The following DHDDS variants were observed in gnomAD, a reference collection of about 807,000 sequenced individuals.
DHDDS encodes the protein dehydrodolichyl diphosphate synthase subunit, also known as dehydrodolichyl diphosphate synthase complex subunit DHDDS.
Under a neutral mutation model 46.2 loss-of-function variants are expected in DHDDS, and 16 were observed. The ratio of observed to expected loss-of-function variants is 0.35; its 90% CI spans 0.23 to 0.53. The LOEUF (loss-of-function observed/expected upper bound fraction) is 0.53, where lower values mean the gene tolerates loss of function less well. DHDDS is among the 20% of genes least tolerant of loss of function. The pLI is 0.94. For missense variants in DHDDS, 340 were observed against 423.7 expected (o/e 0.80, Z 1.73); for synonymous variants, 151 against 163.1 (o/e 0.93, Z 0.56).
At chr1:26,436,452 C>T (rs1045988849) in intron 2 of DHDDS, among the ~76,000 whole-genome samples, 20 of 151,522 alleles carry the variant, frequency 1.3e-4, no homozygotes, top group African/African-American at 4.6e-4. Flanking sequence ...GAGACAGAGT[C>T]CCGCTCTGTC....
At chr1:26,442,615 G>C in intron 3 of DHDDS, 116 bp from the exon 4 acceptor site, 1 of 1,221,698 alleles carries the variant, frequency 8.2e-7, no homozygotes, top group East Asian at 2.3e-5. Context: ...ACCCAGCTTT[G>C]GGGAGGAGAA....
chr1:26,434,285 C>T (rs1344126421), intron 2 of DHDDS, among the ~76,000 whole-genome samples: 2 of 152,154 alleles, frequency 1.3e-5, no homozygotes, highest in South Asian at 2.1e-4. Context: ...GGCCAGTCAG[C>T]TTGGTTTTGT....
At chr1:26,459,933 G>C in intron 7 of DHDDS, 104 bp from the exon 8 acceptor site, 2 of 900,592 alleles carry the variant, frequency 2.2e-6, no homozygotes. Context: ...TGTCATCTCT[G>C]GGCTTCTGGG....
chr1:26,436,260 G>T (rs973590889), intron 2 of DHDDS, among the ~76,000 whole-genome samples: 5 of 152,100 alleles, frequency 3.3e-5, no homozygotes, highest in South Asian at 2.1e-4. Flanking sequence ...TTAGCTGGGT[G>T]TGGTGGTGTA....
At chr1:26,433,468 G>A (rs568229055) in intron 2 of DHDDS, among the ~76,000 whole-genome samples, 3 of 152,062 alleles carry the variant, frequency 2.0e-5, no homozygotes, top group Admixed American at 2.0e-4. Context: ...GGGCAACATG[G>A]CAAAACCCCG....
At chr1:26,435,037 TCTCA>T (rs1464373686) in intron 2 of DHDDS, among the ~76,000 whole-genome samples, 2 of 151,048 alleles carry the variant, frequency 1.3e-5, no homozygotes, top group Non-Finnish European at 2.9e-5. Context: ...TCAGACAGAG[TCTCA>T]CTCTGTCGCC....
intron 8 of DHDDS, among the ~76,000 whole-genome samples, chr1:26,468,465 A>G (rs2075515715): frequency 6.6e-6 from 1 of 152,182 alleles, no homozygotes; most frequent in South Asian, 2.1e-4. Context: ...CTAATATCCT[A>G]GAGAGGATTT....
At chr1:26,462,584 G>A (rs2124515126) in intron 8 of DHDDS, among the ~76,000 whole-genome samples, 1 of 152,256 alleles carries the variant, frequency 6.6e-6, no homozygotes, top group African/African-American at 2.4e-5. Flanking sequence ...AGTCAAGCTT[G>A]TTGGAATTAT....
At chr1:26,461,593 C>A (rs1445181050) in intron 8 of DHDDS, among the ~76,000 whole-genome samples, 2 of 152,162 alleles carry the variant, frequency 1.3e-5, no homozygotes, top group Non-Finnish European at 2.9e-5. Flanking sequence ...CCATGTTGGT[C>A]AGGCTGGTCT....
chr1:26,454,427 C>T (rs528146443), intron 6 of DHDDS, among the ~76,000 whole-genome samples: 1 of 152,204 alleles, frequency 6.6e-6, no homozygotes, highest in East Asian at 1.9e-4. Context: ...CTCAGAGAGA[C>T]TGAGTCTCTG....
intron 5 of DHDDS, 113 bp downstream of exon 5, chr1:26,446,545 G>A (rs2124427088): frequency 1.1e-6 from 1 of 941,714 alleles, no homozygotes. Context: ...GGCAATGAGA[G>A]AGTAGGTTGA....
intron 6 of DHDDS, among the ~76,000 whole-genome samples, chr1:26,453,268 T>C (rs1287727451): frequency 6.6e-6 from 1 of 152,256 alleles, no homozygotes; most frequent in Non-Finnish European, 1.5e-5. Context: ...TTATAATGGC[T>C]GTAAAATATA....
At chr1:26,449,386 C>T (rs1308205643) in intron 6 of DHDDS, among the ~76,000 whole-genome samples, 2 of 151,998 alleles carry the variant, frequency 1.3e-5, no homozygotes, top group Non-Finnish European at 2.9e-5. Flanking sequence ...CAGGCATGAG[C>T]CATCACTCCT....
chr1:26,441,666 C>T (rs1475963160), intron 3 of DHDDS, among the ~76,000 whole-genome samples: 1 of 152,010 alleles, frequency 6.6e-6, no homozygotes, highest in African/African-American at 2.4e-5. Flanking sequence ...GAGGCCAAGG[C>T]AGGCAATCAC....
chr1:26,438,143 C>T (rs2075180259), intron 2 of DHDDS, 25 bp from the exon 3 acceptor site: 1 of 1,607,852 alleles, frequency 6.2e-7, no homozygotes, highest in Non-Finnish European at 8.5e-7. Flanking sequence ...GAGACCTGTT[C>T]ATCATTTGTC....
At chr1:26,451,244 T>TA (rs2075315945) in intron 6 of DHDDS, among the ~76,000 whole-genome samples, 1 of 152,192 alleles carries the variant, frequency 6.6e-6, no homozygotes, top group African/African-American at 2.4e-5. Flanking sequence ...CCTGAGGCGT[T>TA]ACACTTTATA....
intron 2 of DHDDS, among the ~76,000 whole-genome samples, chr1:26,437,502 G>A (rs1364649249): frequency 1.3e-5 from 2 of 149,990 alleles, no homozygotes; most frequent in South Asian, 2.1e-4. Flanking sequence ...ACAGAGTCTC[G>A]CTGTGTCACC....
intron 3 of DHDDS, among the ~76,000 whole-genome samples, chr1:26,440,522 G>A (rs1163199422): frequency 6.6e-6 from 1 of 152,186 alleles, no homozygotes; most frequent in Non-Finnish European, 1.5e-5. Flanking sequence ...AAATAAGATG[G>A]CACAATGAAA....
chr1:26,445,485 G>T (rs1469775059), intron 4 of DHDDS, among the ~76,000 whole-genome samples: 6 of 152,206 alleles, frequency 3.9e-5, no homozygotes, highest in Non-Finnish European at 1.5e-5. Context: ...GGCTCAGGCA[G>T]GAGGATCACT....
Sources: allele counts gnomAD v4.1 joint callset (sites outside exome capture counted in the v4.1 genomes callset), GRCh38; gene constraint gnomAD v4.1.1; transcripts MANE v1.5; gene names NCBI Gene and HGNC (gene_info 2026-07-23, HGNC 2026-07-21).